The following PITPNM3 variants were observed in gnomAD, a reference collection of about 807,000 sequenced individuals.
PITPNM3 encodes membrane-associated phosphatidylinositol transfer protein 3.
PITPNM3 carries 26 observed loss-of-function variants against 102.0 expected under a neutral mutation model. That is an observed-to-expected ratio of 0.25 (90% confidence interval 0.19 to 0.35). The LOEUF is 0.35. Among genes scored for constraint, PITPNM3 ranks in the 10% least tolerant of loss-of-function variants. PITPNM3 has a pLI of 1.00. For missense variants in PITPNM3, 1,083 were observed against 1,346.1 expected, an observed-to-expected ratio of 0.80 and a Z score of 3.06; for synonymous variants, 578 against 558.6, an observed-to-expected ratio of 1.03 and a Z score of -0.49.
At chr17:6,487,226 T>C (rs1040781714) in intron 4 of PITPNM3, among the ~76,000 whole-genome samples, 1 of 152,316 alleles carries the variant, frequency 6.6e-6, no homozygotes, top group East Asian at 1.9e-4. Context: ...TTGGCTCTTA[T>C]CAGCTGTGTG....
chr17:6,528,523 ATG>A (rs1444305236), intron 2 of PITPNM3, among the ~76,000 whole-genome samples: 2 of 139,342 alleles, frequency 1.4e-5, no homozygotes, highest in Admixed American at 7.4e-5. Context: ...CATTGTGTGC[ATG>A]TGTGTACATG....
At chr17:6,463,404 G>A (rs148769004) in intron 17 of PITPNM3, among the ~76,000 whole-genome samples, 84 of 75,886 alleles carry the variant, frequency 1.1e-3, no homozygotes, top group African/African-American at 3.3e-3. Flanking sequence ...CAGCGGATGC[G>A]TGCACGAGTG....
chr17:6,472,590 G>T lies in PITPNM3; in HGVS notation c.1429+67C>A. The T allele has an allele frequency of 6.5e-7, 1 of 1,546,048 alleles. No individual in the cohort carries two copies. The highest frequency in any genetic ancestry group is 1.4e-5 in the African/African-American group (1 of 73,246). On this transcript the variant is annotated intron_variant, in intron 11 of 19. Coordinates refer to ENST00000262483, the MANE Select transcript of PITPNM3 (RefSeq NM_031220.4). The surrounding 1 kb of genome is among the most constrained non-coding windows in gnomAD (Gnocchi z 4.1). ...AGTCACCCTACTCACTGAGAGCTTGGAGGGGTTGAATGGGCTGGGGCCCCA... is the reference window on the plus strand; with the variant it reads ...AGTCACCCTACTCACTGAGAGCTTGTAGGGGTTGAATGGGCTGGGGCCCCA...
chr17:6,476,974 C>A, intron 9 of PITPNM3, 55 bp downstream of exon 9: 1 of 1,590,720 alleles, frequency 6.3e-7, no homozygotes, highest in Non-Finnish European at 8.6e-7. Flanking sequence ...TGGTCACAGC[C>A]CTCCCAGTTG....
chr17:6,478,948 T>C lies in PITPNM3; in HGVS notation c.588-212A>G. ...TTCAAGCCTACACTGACTCCCTGTG[T>C]GTCCTTCCCGTGCTGGCCATGGGTG... is the stretch of plus-strand genomic sequence containing the variant. On this transcript the variant is annotated intron_variant, in intron 6 of 19. Transcript: ENST00000262483. The surrounding 1 kb of genome is among the most constrained non-coding windows in gnomAD (Gnocchi z 4.4). The C allele has an allele frequency of 5.0e-6, 3 of 598,212 alleles. No individual in the cohort carries two copies. Among genetic ancestry groups the C allele is most frequent in the Admixed American group, 3.0e-5 (1 of 33,688 alleles). The allele number at this position is 598,212 out of a possible 1,614,324, so 37.1% of individuals were successfully genotyped here.
intron 4 of PITPNM3, among the ~76,000 whole-genome samples, chr17:6,497,468 G>T (rs114435931): frequency 1.3e-3 from 200 of 152,338 alleles, no homozygotes; most frequent in African/African-American, 4.6e-3. Flanking sequence ...GGGATAAATT[G>T]GGGCTCAGTT....
intron 14 of PITPNM3, among the ~76,000 whole-genome samples, chr17:6,465,890 G>T (rs1046414209): frequency 6.6e-6 from 1 of 152,068 alleles, no homozygotes; most frequent in Non-Finnish European, 1.5e-5. Context: ...CAGCCACATC[G>T]CCTGGATGCT....
intron 18 of PITPNM3, 105 bp downstream of exon 18, chr17:6,461,268 A>C (rs940821202): frequency 5.9e-6 from 8 of 1,348,892 alleles, no homozygotes; most frequent in Non-Finnish European, 8.4e-6. Context: ...GGATTTACAG[A>C]CTGCACATCA....
rs539368699 is a variant in PITPNM3, at chr17:6,489,471, T to G, written c.275-5179A>C. Among the ~76,000 whole-genome samples, 1,141 of 131,586 alleles carry G rather than the reference T, an allele frequency of 8.7e-3. 6 individuals carry two copies. Among genetic ancestry groups the G allele is most frequent in the Non-Finnish European group, 0.012 (701 of 59,688 alleles). The allele number at this position is 131,586 out of a possible 152,430, so 86.3% of individuals were successfully genotyped here. A position where few individuals can be genotyped will look rare whatever the true frequency, so the allele number is the denominator to read the frequency against. On this transcript the variant is annotated intron_variant, in intron 4 of 19. Transcript: ENST00000262483. Reference sequence around the variant, plus strand: ...CTCATACATGGGTGGAAACATAAGGTTTTTTTTTATTTTTTTTTTGCCTAA... The same window carrying G: ...CTCATACATGGGTGGAAACATAAGGGTTTTTTTTATTTTTTTTTTGCCTAA...
intron 1 of PITPNM3, among the ~76,000 whole-genome samples, chr17:6,552,770 T>C (rs1413202197): frequency 2.9e-5 from 4 of 139,224 alleles, no homozygotes; most frequent in Admixed American, 7.1e-5. Context: ...TTCTTTTTTT[T>C]TTTTTTTTTT....
At chr17:6,482,912 C>T (rs1470211769) in intron 6 of PITPNM3, among the ~76,000 whole-genome samples, 1 of 151,732 alleles carries the variant, frequency 6.6e-6, no homozygotes, top group Non-Finnish European at 1.5e-5. Context: ...GCTGGGCGAC[C>T]CTGGGGGAAA....
intron 15 of PITPNM3, 83 bp from the exon 16 acceptor site, chr17:6,464,401 G>C: frequency 1.4e-6 from 2 of 1,427,698 alleles, no homozygotes; most frequent in Non-Finnish European, 1.9e-6. Context: ...GGGAACTCTG[G>C]GCTGAGGTCC....
intron 8 of PITPNM3, 28 bp from the exon 9 acceptor site, chr17:6,477,241 G>C: frequency 6.2e-7 from 1 of 1,608,564 alleles, no homozygotes; most frequent in Non-Finnish European, 8.5e-7. Flanking sequence ...GGACAGGAGA[G>C]AAAAAGACTG....
At chr17:6,487,891 T>A (rs1906194702) in intron 4 of PITPNM3, among the ~76,000 whole-genome samples, 1 of 152,146 alleles carries the variant, frequency 6.6e-6, no homozygotes, top group Admixed American at 6.5e-5. Flanking sequence ...GTCCTCAGTA[T>A]CCCTCACTCC....
intron 2 of PITPNM3, among the ~76,000 whole-genome samples, chr17:6,527,126 T>C (rs1908877099): frequency 6.6e-6 from 1 of 152,282 alleles, no homozygotes; most frequent in Non-Finnish European, 1.5e-5. Flanking sequence ...ACTCAGGGTC[T>C]ATAGCTCTGT....
intron 4 of PITPNM3, among the ~76,000 whole-genome samples, chr17:6,486,632 G>C (rs1906112666): frequency 6.6e-6 from 1 of 152,158 alleles, no homozygotes; most frequent in African/African-American, 2.4e-5. Context: ...ACTCGTCCTG[G>C]GGCCCGGCTG....
chr17:6,485,924 G>A (rs1482659539), intron 4 of PITPNM3, among the ~76,000 whole-genome samples: 2 of 152,216 alleles, frequency 1.3e-5, no homozygotes, highest in Non-Finnish European at 2.9e-5. Flanking sequence ...CGGCTTTTGT[G>A]CTACAGCAGC....
At position 6,451,883 on chromosome 17, in the gene PITPNM3, C is replaced by CCG. The variant is rs1555549913; in HGVS notation, c.*3454_*3455insCG. ...GCACTTGGCACCCAAACCCCCCCCC[C>CCG]CCGCCCGCCGATGGGATTCGGTGGG... On this transcript the variant is annotated 3_prime_UTR_variant, in exon 20 of 20. Coordinates refer to ENST00000262483, the MANE Select transcript of PITPNM3 (RefSeq NM_031220.4). The CCG allele has an allele frequency of 2.4e-3, 86 of 35,570 alleles. 15 individuals are homozygous for CCG. The highest frequency in any genetic ancestry group is 6.8e-3 in the Admixed American group (23 of 3,368). 2.2% of individuals were successfully genotyped at this position (35,570 alleles called of 1,614,324 possible).
intron 2 of PITPNM3, among the ~76,000 whole-genome samples, chr17:6,534,742 C>T (rs1000581326): frequency 2.0e-5 from 3 of 152,006 alleles, no homozygotes; most frequent in Non-Finnish European, 4.4e-5. Context: ...GTGTAGACGC[C>T]GCTTGGTTTC....
Sources: allele counts gnomAD v4.1 joint callset (sites outside exome capture counted in the v4.1 genomes callset), GRCh38; gene constraint gnomAD v4.1.1; non-coding constraint Gnocchi (gnomAD v3.1); transcripts MANE v1.5; gene names NCBI Gene and HGNC (gene_info 2026-07-23, HGNC 2026-07-21).